Variants in GRIP1 observed in about 807,000 individuals in gnomAD.
GRIP1 encodes glutamate receptor interacting protein 1.
Under a neutral mutation model 129.9 loss-of-function variants are expected in GRIP1, and 45 were observed. The observed-to-expected ratio is 0.35, with a 90% CI of 0.27 to 0.44. The LOEUF is 0.44. Ranked by LOEUF, GRIP1 falls within the 20% of genes least tolerant of loss-of-function variation. The probability of loss-of-function intolerance (pLI) is 1.00; values close to 1 mark genes in which losing one functional copy is unlikely to be tolerated. For synonymous variants in GRIP1, 530 were observed against 520.8 expected (o/e 1.02, Z -0.24); for missense variants, 1,196 against 1,396.8 (o/e 0.86, Z 2.29).
intron 1 of GRIP1, among the ~76,000 whole-genome samples, chr12:66,660,102 T>C (rs10735937): frequency 0.84 from 127,250 of 152,134 alleles, 53,601 homozygotes; most frequent in African/African-American, 0.92. Flanking sequence ...GCATAAAATG[T>C]GACGGCCTCA....
intron 1 of GRIP1, among the ~76,000 whole-genome samples, chr12:67,002,258 G>A (rs185156492): frequency 3.2e-4 from 48 of 152,272 alleles, no homozygotes; most frequent in African/African-American, 1.1e-3. Context: ...TAGTGTTTGT[G>A]AATTATACAA....
intron 9 of GRIP1, among the ~76,000 whole-genome samples, chr12:66,458,332 G>T (rs1157318425): frequency 1.3e-5 from 2 of 152,114 alleles, no homozygotes; most frequent in African/African-American, 4.8e-5. Context: ...AACATAGCTA[G>T]GGTGGCCTTC....
chr12:66,645,904 T>A (rs776095578), intron 1 of GRIP1, among the ~76,000 whole-genome samples: 1 of 152,222 alleles, frequency 6.6e-6, no homozygotes, highest in South Asian at 2.1e-4. Context: ...AAATCATCAA[T>A]GTAAGCGTCT....
intron 7 of GRIP1, among the ~76,000 whole-genome samples, chr12:66,475,254 G>C (rs547061507): frequency 8.5e-5 from 13 of 152,190 alleles, no homozygotes; most frequent in Non-Finnish European, 1.9e-4. Flanking sequence ...AATGGTAAAG[G>C]GATAAATTCA....
In GRIP1 at chr12:66,384,187, GTC is replaced by G. The variant is rs143058307; in HGVS notation, c.2465-4753_2465-4752del. Among the ~76,000 whole-genome samples the G allele has an allele frequency of 5.2e-3, 743 of 143,264 alleles. 3 individuals carry two copies. The highest frequency in any genetic ancestry group is 0.018 in the African/African-American group (706 of 38,462). 94.0% of individuals were successfully genotyped at this position (143,264 alleles called of 152,430 possible). On this transcript the variant is annotated intron_variant, in intron 19 of 24. Transcript: ENST00000359742. ...GGTTTGCTGTGTAGATCTGACTTGC[GTC>G]TTATTTAAATTTAAATGTCTAGACT...
intron 1 of GRIP1, among the ~76,000 whole-genome samples, chr12:66,772,795 G>A (rs2037859559): frequency 6.6e-6 from 1 of 152,106 alleles, no homozygotes; most frequent in Admixed American, 6.5e-5. Context: ...TTGTGACAAA[G>A]TATAGCACAA....
intron 1 of GRIP1, among the ~76,000 whole-genome samples, chr12:66,637,189 T>A (rs1002480447): frequency 3.3e-5 from 5 of 151,836 alleles, no homozygotes; most frequent in Non-Finnish European, 7.4e-5. Flanking sequence ...TGTACACTGA[T>A]GGGAGAGTAG....
At chr12:66,922,477 T>A (rs963981039) in intron 1 of GRIP1, among the ~76,000 whole-genome samples, 1 of 152,240 alleles carries the variant, frequency 6.6e-6, no homozygotes, top group African/African-American at 2.4e-5. Flanking sequence ...AAATGTTGGA[T>A]GTACAACAGA....
chr12:66,881,287 G>A (rs191327768), intron 1 of GRIP1, among the ~76,000 whole-genome samples: 16 of 152,262 alleles, frequency 1.1e-4, no homozygotes, highest in African/African-American at 3.9e-4. Context: ...TCAGTTTTAA[G>A]CCTTAGTTTG....
chr12:66,895,365 A>C (rs1261458030), intron 1 of GRIP1, among the ~76,000 whole-genome samples: 1 of 152,154 alleles, frequency 6.6e-6, no homozygotes, highest in African/African-American at 2.4e-5. Flanking sequence ...GCTGCCATGT[A>C]AGATATGCCT....
At chr12:67,016,115 T>A (rs1401092463) in intron 1 of GRIP1, among the ~76,000 whole-genome samples, 1 of 152,244 alleles carries the variant, frequency 6.6e-6, no homozygotes, top group Non-Finnish European at 1.5e-5. Context: ...ATATATTTGC[T>A]TAAGATGCAC....
chr12:66,577,671 T>C (rs1422213285), intron 2 of GRIP1, among the ~76,000 whole-genome samples: 1 of 152,176 alleles, frequency 6.6e-6, no homozygotes, highest in African/African-American at 2.4e-5. Flanking sequence ...CATTTTCAGC[T>C]GGGTGCAGTG....
intron 12 of GRIP1, 62 bp from the exon 13 acceptor site, chr12:66,444,791 C>A: frequency 6.5e-7 from 1 of 1,548,774 alleles, no homozygotes; most frequent in Non-Finnish European, 8.9e-7. Context: ...GCTGAGCTTG[C>A]CAAATCTACC....
chr12:67,053,738 C>T (rs953342950), intron 1 of GRIP1, among the ~76,000 whole-genome samples: 33 of 151,094 alleles, frequency 2.2e-4, no homozygotes, highest in African/African-American at 7.5e-4. Flanking sequence ...CTTGGGAGGC[C>T]GAGGCAGGAG....
At chr12:66,426,839 G>T (rs1235890761) in intron 14 of GRIP1, among the ~76,000 whole-genome samples, 1 of 152,114 alleles carries the variant, frequency 6.6e-6, no homozygotes, top group Non-Finnish European at 1.5e-5. Context: ...AGCTTCCTGG[G>T]GGAAGAAGGC....
intron 1 of GRIP1, among the ~76,000 whole-genome samples, chr12:66,750,903 T>A (rs2037105906): frequency 1.3e-5 from 2 of 152,206 alleles, no homozygotes; most frequent in South Asian, 4.1e-4. Flanking sequence ...TAAAACAGCA[T>A]AGGCAATGAA....
chr12:66,711,364 T>C (rs1297174390), intron 1 of GRIP1, among the ~76,000 whole-genome samples: 2 of 151,928 alleles, frequency 1.3e-5, no homozygotes, highest in Non-Finnish European at 2.9e-5. Context: ...TGTAAATTTA[T>C]ACCAAAAATT....
At position 66,476,430 on chromosome 12, in the gene GRIP1, CAG is replaced by C. The variant is rs2059614653; in HGVS notation, c.725-11010_725-11009del. On this transcript the variant is annotated intron_variant, in intron 7 of 24. Coordinates refer to ENST00000359742, the MANE Select transcript of GRIP1 (RefSeq NM_001366722.1). ...AGATGGATTCACAGCCGAATTCTACCAGAGGTACAAGGAGGAGCTGGTACCAT... is the reference window on the plus strand; with the variant it reads ...AGATGGATTCACAGCCGAATTCTACCAGGTACAAGGAGGAGCTGGTACCAT... 4.6e-5 allele frequency among the ~76,000 whole-genome samples: 7 copies of C among 152,252 alleles called. No homozygotes were observed. In the South Asian group the frequency reaches 1.2e-3, roughly 27 times the overall value.
At chr12:66,660,313 C>T (rs960717125) in intron 1 of GRIP1, among the ~76,000 whole-genome samples, 18 of 152,050 alleles carry the variant, frequency 1.2e-4, no homozygotes, top group Middle Eastern at 6.8e-3. Context: ...AATGCACCTA[C>T]GTATTCAAAT....
Sources: gnomAD v4.1 joint callset for allele counts (sites outside exome capture counted in the v4.1 genomes callset) on GRCh38, gnomAD v4.1.1 for gene constraint, MANE v1.5 for transcripts, NCBI Gene and HGNC (gene_info 2026-07-23, HGNC 2026-07-21) for gene names.